Variants in CLSTN2 observed in about 807,000 individuals in gnomAD.
CLSTN2 encodes the protein calsyntenin 2.
A neutral mutation model predicts 101.2 loss-of-function variants in CLSTN2; 48 were observed. The observed-to-expected ratio is 0.47, with a 90% CI of 0.38 to 0.60. The LOEUF (loss-of-function observed/expected upper bound fraction) is 0.60. CLSTN2 is among the 20% of genes least tolerant of loss of function. CLSTN2 has a pLI of 0.00. For synonymous variants in CLSTN2, 481 were observed against 463.6 expected, an observed-to-expected ratio of 1.04 and a Z score of -0.48; for missense variants, 1,160 against 1,238.2, an observed-to-expected ratio of 0.94 and a Z score of 0.95.
At chr3:140,448,461 T>C in intron 5 of CLSTN2, 58 bp from the exon 6 acceptor site, 1 of 1,389,024 alleles carries the variant, frequency 7.2e-7, no homozygotes, top group Non-Finnish European at 1.0e-6. Flanking sequence ...CTAAAAGAAA[T>C]GTTCCAGCAG....
intron 1 of CLSTN2, among the ~76,000 whole-genome samples, chr3:139,953,548 G>A (rs867176551): frequency 2.6e-5 from 4 of 152,150 alleles, no homozygotes; most frequent in Admixed American, 2.6e-4. Context: ...ACCCCTCTGT[G>A]CTTGCCAAGT....
chr3:140,313,312 G>A (rs2107918312), intron 2 of CLSTN2, among the ~76,000 whole-genome samples: 1 of 152,252 alleles, frequency 6.6e-6, no homozygotes, highest in African/African-American at 2.4e-5. Context: ...AGGAAACTGA[G>A]ACTCAGAGCT....
intron 8 of CLSTN2, among the ~76,000 whole-genome samples, chr3:140,514,697 A>G (rs1411812076): frequency 6.6e-6 from 1 of 152,024 alleles, no homozygotes; most frequent in African/African-American, 2.4e-5. Flanking sequence ...TCTTTGAGGG[A>G]TCTCTACACT....
chr3:140,392,219 A>T (rs1420574010), intron 2 of CLSTN2, among the ~76,000 whole-genome samples: 1 of 150,834 alleles, frequency 6.6e-6, no homozygotes, highest in Non-Finnish European at 1.5e-5. Context: ...GCCACATTTA[A>T]AAAAAAGAAA....
At chr3:140,550,036 C>T (rs1415946734) in intron 10 of CLSTN2, among the ~76,000 whole-genome samples, 3 of 150,836 alleles carry the variant, frequency 2.0e-5, no homozygotes, top group Non-Finnish European at 2.9e-5. Flanking sequence ...AGCACAATCC[C>T]TGCCAATTTT....
chr3:140,021,393 C>T (rs1486292464), intron 1 of CLSTN2, among the ~76,000 whole-genome samples: 2 of 152,144 alleles, frequency 1.3e-5, no homozygotes, highest in East Asian at 1.9e-4. Flanking sequence ...GGACTGTCAA[C>T]GTAGTCAACC....
chr3:140,172,724 C>G (rs1322241079), intron 1 of CLSTN2, among the ~76,000 whole-genome samples: 1 of 152,172 alleles, frequency 6.6e-6, no homozygotes, highest in Non-Finnish European at 1.5e-5. Context: ...CAAGGAAGAT[C>G]AAGTCCCATC....
At chr3:140,449,650 A>G (rs1486509250) in intron 6 of CLSTN2, 1 of 152,164 alleles carries the variant, frequency 6.6e-6, no homozygotes, top group Admixed American at 6.5e-5. Context: ...AGGGAGTATC[A>G]TTTAGCATGG....
At chr3:140,344,663 C>A (rs1193425276) in intron 2 of CLSTN2, among the ~76,000 whole-genome samples, 1 of 152,142 alleles carries the variant, frequency 6.6e-6, no homozygotes, top group Non-Finnish European at 1.5e-5. Context: ...CCCTGGGGTA[C>A]CTTCCCTGAT....
intron 6 of CLSTN2, chr3:140,449,988 G>C (rs1021941214): frequency 6.6e-6 from 1 of 152,298 alleles, no homozygotes; most frequent in African/African-American, 2.4e-5. Context: ...GTGAGATGGC[G>C]CCACAAGAAA....
intron 7 of CLSTN2, 60 bp downstream of exon 7, chr3:140,459,829 A>G (rs1028027395): frequency 6.3e-7 from 1 of 1,590,378 alleles, no homozygotes; most frequent in Admixed American, 1.7e-5. Context: ...ATTTTGTCAC[A>G]GGTGGCTGGA....
At position 140,001,328 on chromosome 3, in the gene CLSTN2, C is replaced by T. The variant is rs569025814; in HGVS notation, c.109+65845C>T. On this transcript the variant is annotated intron_variant, in intron 1 of 16. Coordinates refer to ENST00000458420, the MANE Select transcript of CLSTN2 (RefSeq NM_022131.3). ...CTACTAATCTCATCTTCTGCTTTAT[C>T]TAGTTTGCTATCAAATACACCTGAT... is the stretch of plus-strand genomic sequence containing the variant. Among the ~76,000 whole-genome samples the T allele has an allele frequency of 5.9e-5, 9 of 152,072 alleles. No individual in the cohort carries two copies. The South Asian group carries it at 1.7e-3, about 28-fold the overall frequency.
intron 4 of CLSTN2, among the ~76,000 whole-genome samples, chr3:140,414,187 A>T (rs933440207): frequency 1.3e-5 from 2 of 152,258 alleles, no homozygotes; most frequent in East Asian, 3.9e-4. Flanking sequence ...TAATAAATAA[A>T]TTCAGTAAAG....
At chr3:140,215,897 A>C (rs1480170740) in intron 2 of CLSTN2, among the ~76,000 whole-genome samples, 3 of 152,220 alleles carry the variant, frequency 2.0e-5, no homozygotes, top group Non-Finnish European at 4.4e-5. Context: ...TTTGTTAAGA[A>C]AGTGGAAACA....
chr3:140,283,184 T>C (rs1483059501), intron 2 of CLSTN2, among the ~76,000 whole-genome samples: 1 of 152,196 alleles, frequency 6.6e-6, no homozygotes, highest in Admixed American at 6.5e-5. Flanking sequence ...TATGGCAAAC[T>C]TTGTTTTCCT....
intron 8 of CLSTN2, among the ~76,000 whole-genome samples, chr3:140,504,782 C>T (rs1029919878): frequency 3.3e-5 from 5 of 152,186 alleles, no homozygotes; most frequent in African/African-American, 1.2e-4. Flanking sequence ...ACTATTCCAC[C>T]TTCTCTCCAG....
chr3:139,947,369 T>A (rs1399635344), intron 1 of CLSTN2, among the ~76,000 whole-genome samples: 1 of 152,244 alleles, frequency 6.6e-6, no homozygotes, highest in Non-Finnish European at 1.5e-5. Flanking sequence ...ATCTCTTTGC[T>A]GCAAATTGCC....
intron 8 of CLSTN2, among the ~76,000 whole-genome samples, chr3:140,531,969 T>C (rs1330601706): frequency 6.6e-6 from 1 of 151,696 alleles, no homozygotes; most frequent in Non-Finnish European, 1.5e-5. Flanking sequence ...AGACCAGGAG[T>C]CTTGGGTTTA....
intron 1 of CLSTN2, among the ~76,000 whole-genome samples, chr3:140,111,237 C>T (rs886610244): frequency 2.6e-5 from 4 of 152,098 alleles, no homozygotes; most frequent in African/African-American, 9.7e-5. Context: ...ACTCCTTTCT[C>T]GCTCCATGCC....
Sources: allele counts gnomAD v4.1 joint callset (sites outside exome capture counted in the v4.1 genomes callset), GRCh38; gene constraint gnomAD v4.1.1; transcripts MANE v1.5; gene names NCBI Gene and HGNC (gene_info 2026-07-23, HGNC 2026-07-21).